Variants in BBS4 observed in about 807,000 individuals in gnomAD.
BBS4 encodes the protein Bardet-Biedl syndrome 4.
A neutral mutation model predicts 71.4 loss-of-function variants in BBS4; 58 were observed. The observed-to-expected ratio is 0.81, with a 90% CI of 0.66 to 1.01. BBS4 has a LOEUF of 1.01. Among genes scored for constraint, BBS4 ranks in the 50% least tolerant of loss-of-function variants. The pLI, the probability that BBS4 is intolerant of heterozygous loss-of-function variation, is 0.00. For synonymous variants in BBS4, 228 were observed against 216.8 expected (o/e 1.05, Z -0.46); for missense variants, 660 against 607.9 (o/e 1.09, Z -0.90).
intron 2 of BBS4, among the ~76,000 whole-genome samples, chr15:72,703,155 G>T (rs1289617470): frequency 2.6e-5 from 4 of 152,136 alleles, no homozygotes; most frequent in Non-Finnish European, 5.9e-5. Flanking sequence ...AGGCTTCCGT[G>T]TCAGCAGTTT....
intron 2 of BBS4, among the ~76,000 whole-genome samples, chr15:72,701,246 G>A (rs554752309): frequency 6.6e-6 from 1 of 152,026 alleles, no homozygotes; most frequent in South Asian, 2.1e-4. Flanking sequence ...ATCTAACTTC[G>A]TTGCTCAGAA....
rs543687149 is a variant in BBS4, at chr15:72,731,877, T to C, written c.1036+151T>C. On this transcript the variant is annotated intron_variant, in intron 12 of 15. Coordinates refer to ENST00000268057, the MANE Select transcript of BBS4 (RefSeq NM_033028.5). ...ATTACTGTCCTGGAGCTTGAAGAAA[T>C]AGAAAAAGATGACAAAGGAACTTGG... The C allele has an allele frequency of 5.5e-6, 6 of 1,082,198 alleles. No homozygotes were observed. The East Asian group carries it at 7.7e-5, about 14-fold the overall frequency. The allele number at this position is 1,082,198 out of a possible 1,614,324, so 67.0% of individuals were successfully genotyped here.
intron 1 of BBS4, among the ~76,000 whole-genome samples, chr15:72,691,810 A>G (rs1188757318): frequency 6.6e-6 from 1 of 152,168 alleles, no homozygotes; most frequent in East Asian, 1.9e-4. Context: ...TAAAAATACA[A>G]AAATTAGCAG....
intron 1 of BBS4, chr15:72,686,708 G>A: frequency 1.7e-6 from 1 of 603,932 alleles, no homozygotes; most frequent in Non-Finnish European, 2.6e-6. Flanking sequence ...AGGAAAGTAC[G>A]GTTTTGGAAT....
At chr15:72,693,087 C>T (rs566214634) in intron 1 of BBS4, among the ~76,000 whole-genome samples, 1 of 152,158 alleles carries the variant, frequency 6.6e-6, no homozygotes, top group African/African-American at 2.4e-5. Flanking sequence ...AAGTCCAGGC[C>T]TAAATGTTGC....
intron 6 of BBS4, among the ~76,000 whole-genome samples, chr15:72,719,464 C>T (rs1039749518): frequency 1.3e-5 from 2 of 151,760 alleles, no homozygotes; most frequent in African/African-American, 4.8e-5. Context: ...CCAGGCTGGT[C>T]TCAAGCTCCT....
intron 7 of BBS4, 58 bp downstream of exon 7, chr15:72,722,905 T>A (rs979790441): frequency 1.9e-5 from 28 of 1,461,784 alleles, no homozygotes; most frequent in Non-Finnish European, 2.5e-5. Context: ...CAGAAGTTGT[T>A]ACATTGCTCA....
intron 6 of BBS4, among the ~76,000 whole-genome samples, chr15:72,717,637 G>A (rs2065490986): frequency 6.6e-6 from 1 of 152,086 alleles, no homozygotes; most frequent in South Asian, 2.1e-4. Flanking sequence ...AGGAAGGCTG[G>A]TTAAATGTCG....
chr15:72,693,668 A>G (rs930651333), intron 1 of BBS4, among the ~76,000 whole-genome samples: 2 of 152,218 alleles, frequency 1.3e-5, no homozygotes, highest in African/African-American at 4.8e-5. Context: ...TTTTTTAACC[A>G]TATAAAAATG....
Position 72,736,833 on chromosome 15 carries a change from T to TAA in BBS4, c.1322_1323dup (p.Asp442LysfsTer28). ...AGGCACTGGTCTGGACCAAACCAGT[T>TAA]AAAGATCCCAAATCAAAGCACCAGA... is the stretch of plus-strand genomic sequence containing the variant. On this transcript the variant is annotated frameshift_variant, in exon 15 of 16. Coordinates refer to ENST00000268057, the MANE Select transcript of BBS4 (RefSeq NM_033028.5). LOFTEE classifies it high-confidence loss of function. 1 of 1,614,172 alleles carries TAA rather than the reference T, an allele frequency of 6.2e-7. No individual in the cohort carries two copies. The highest frequency in any genetic ancestry group is 8.5e-7 in the Non-Finnish European group (1 of 1,180,030).
chr15:72,731,787 G>T, intron 12 of BBS4, 61 bp downstream of exon 12: 9 of 1,594,914 alleles, frequency 5.6e-6, no homozygotes, highest in Middle Eastern at 1.7e-4. Context: ...AAATGGATTA[G>T]AATCATAGAA....
At chr15:72,715,526 A>AG in intron 5 of BBS4, 124 bp downstream of exon 5, 1 of 751,078 alleles carries the variant, frequency 1.3e-6, no homozygotes, top group South Asian at 1.4e-5. Context: ...ATGGTTTAAT[A>AG]GGTACAGTGG....
intron 1 of BBS4, among the ~76,000 whole-genome samples, chr15:72,691,156 A>G (rs2064976045): frequency 6.6e-6 from 1 of 152,022 alleles, no homozygotes; most frequent in African/African-American, 2.4e-5. Flanking sequence ...TAATTTTTGT[A>G]TATTTTGTAG....
chr15:72,701,501 A>C (rs897511216), intron 2 of BBS4, among the ~76,000 whole-genome samples: 1 of 152,182 alleles, frequency 6.6e-6, no homozygotes, highest in Admixed American at 6.5e-5. Context: ...GGATATATTT[A>C]GGCTCAGTGA....
At chr15:72,706,244 C>G (rs2065262430) in intron 2 of BBS4, among the ~76,000 whole-genome samples, 1 of 152,138 alleles carries the variant, frequency 6.6e-6, no homozygotes, top group Admixed American at 6.5e-5. Context: ...TCAAGCGATT[C>G]TTTTGCCTCA....
chr15:72,692,679 C>G (rs146188158), intron 1 of BBS4, among the ~76,000 whole-genome samples: 2 of 150,908 alleles, frequency 1.3e-5, no homozygotes, highest in Non-Finnish European at 2.9e-5. Flanking sequence ...TGCTGCAACT[C>G]CGCTTCCTGG....
intron 2 of BBS4, among the ~76,000 whole-genome samples, chr15:72,709,207 G>A (rs928177249): frequency 1.3e-5 from 2 of 152,148 alleles, no homozygotes; most frequent in African/African-American, 2.4e-5. Flanking sequence ...CGGTCCTACC[G>A]ATATATGTGA....
At chr15:72,711,108 G>GT (rs919982250) in intron 3 of BBS4, among the ~76,000 whole-genome samples, 71 of 143,918 alleles carry the variant, frequency 4.9e-4, no homozygotes, top group Non-Finnish European at 5.8e-4. Context: ...GCCCATACCA[G>GT]TTTTTTTTGA....
chr15:72,686,342 G>A (rs1458701937), intron 1 of BBS4, 91 bp downstream of exon 1: 31 of 1,544,062 alleles, frequency 2.0e-5, no homozygotes, highest in Non-Finnish European at 2.4e-5. Flanking sequence ...CCTGGAGAGA[G>A]GCGGAGCTGG....
Sources: gnomAD v4.1 joint callset for allele counts (sites outside exome capture counted in the v4.1 genomes callset) on GRCh38, gnomAD v4.1.1 for gene constraint, MANE v1.5 for transcripts, NCBI Gene and HGNC (gene_info 2026-07-23, HGNC 2026-07-21) for gene names.